NUP35: variants seen among roughly 807,000 people sequenced by gnomAD.
The protein encoded by NUP35 is nucleoporin NUP35.
In NUP35, 25 loss-of-function variants were observed where a neutral mutation model predicts 41.5. That is an observed-to-expected ratio of 0.60 (90% CI 0.44 to 0.84). The LOEUF (loss-of-function observed/expected upper bound fraction) is 0.84. Among genes scored for constraint, NUP35 ranks in the 40% least tolerant of loss-of-function variants. NUP35 has a pLI of 0.00. For synonymous variants in NUP35, 149 were observed against 130.7 expected (o/e 1.14, Z -0.96); for missense variants, 396 against 396.6 (o/e 1.00, Z 0.01).
At chr2:183,138,091 A>G (rs1334250873) in intron 4 of NUP35, among the ~76,000 whole-genome samples, 1 of 151,832 alleles carries the variant, frequency 6.6e-6, no homozygotes, top group Non-Finnish European at 1.5e-5. Flanking sequence ...GAATTTACAC[A>G]TAGAAAGTCT....
chr2:183,151,739 T>A (rs879545097), intron 5 of NUP35, 90 bp downstream of exon 5: 38 of 1,275,824 alleles, frequency 3.0e-5, no homozygotes, highest in Admixed American at 6.6e-5. Flanking sequence ...TGGAAAGAAG[T>A]GCATAGCAAA....
chr2:183,158,475 G>C, intron 7 of NUP35, 64 bp downstream of exon 7: 1 of 1,405,482 alleles, frequency 7.1e-7, no homozygotes, highest in Non-Finnish European at 9.5e-7. Flanking sequence ...ACCAAGGATT[G>C]AAATTGGTCG....
intron 5 of NUP35, 43 bp from the exon 6 acceptor site, chr2:183,157,401 A>C (rs759960273): frequency 1.5e-6 from 2 of 1,361,716 alleles, no homozygotes; most frequent in South Asian, 2.3e-5. Flanking sequence ...ATTCACATTG[A>C]TAGTAGAAGC....
At chr2:183,124,328 C>T (rs949382885), upstream of NUP35, 8 of 1,559,540 alleles carry the variant, frequency 5.1e-6, no homozygotes, top group Admixed American at 3.6e-5. Flanking sequence ...GCGCCTACAA[C>T]TTAAGCATAG....
At position 183,124,489 on chromosome 2, in the gene NUP35, C is replaced by T. The variant is rs867186241; in HGVS notation, c.32C>T (p.Pro11Leu). The change falls in exon 1 of 9, where the codon CCC becomes CTC. Residue 11 changes from proline to leucine, a missense_variant. By Grantham distance (98) the Pro-to-Leu change is moderately conservative (BLOSUM62 -3). Coordinates refer to ENST00000295119, the MANE Select transcript of NUP35 (RefSeq NM_138285.5). The part of the protein sequence containing the change: MAAFAVEPQG[P>L]ALGSEPMMLG... ...GCCTTTGCAGTGGAACCTCAGGGGC[C>T]CGCGTTAGGTGAGTGAAATATTGCT... 3 of 1,613,970 alleles carry T rather than the reference C, an allele frequency of 1.9e-6. No homozygotes were observed. Among genetic ancestry groups the T allele is most frequent in the East Asian group, 4.5e-5 (2 of 44,886 alleles).
chr2:183,125,041 T>A (rs1157514665), intron 1 of NUP35, among the ~76,000 whole-genome samples: 4 of 152,002 alleles, frequency 2.6e-5, no homozygotes, highest in Non-Finnish European at 4.4e-5. Flanking sequence ...CAACATTTAA[T>A]CAACCGTGTG....
Position 183,151,540 on chromosome 2 carries a change from C to T in NUP35, c.430C>T (p.Gln144Ter). The T allele has an allele frequency of 6.2e-7, 1 of 1,613,956 alleles. No individual in the cohort carries two copies. Among genetic ancestry groups the T allele is most frequent in the Non-Finnish European group, 8.5e-7 (1 of 1,179,906 alleles). ...TATGTTTAGTCCAGCAAGTATCGGTCAGCCACGAAAGACGACATTATCTCC... is the reference window on the plus strand; with the variant it reads ...TATGTTTAGTCCAGCAAGTATCGGTTAGCCACGAAAGACGACATTATCTCC... ...QSMFSPASIG[Q>*]PRKTTLSPAQ... The change falls in exon 5 of 9, where the codon CAG (glutamine) becomes TAG (stop). Residue 144 changes from glutamine to a stop codon, truncating the protein, a stop_gained. Coordinates refer to ENST00000295119, the MANE Select transcript of NUP35 (RefSeq NM_138285.5). LOFTEE classifies it high-confidence loss of function.
chr2:183,158,470 G>A, intron 7 of NUP35, 59 bp downstream of exon 7: 1 of 1,429,678 alleles, frequency 7.0e-7, no homozygotes, highest in Non-Finnish European at 9.4e-7. Context: ...ACAAGACCAA[G>A]GATTGAAATT....
chr2:183,140,534 A>T (rs1685053536), intron 4 of NUP35, among the ~76,000 whole-genome samples: 1 of 152,156 alleles, frequency 6.6e-6, no homozygotes, highest in Admixed American at 6.6e-5. Flanking sequence ...ATAAATTCAG[A>T]TGGTTTTAGA....
Position 183,138,269 on chromosome 2 carries a change from A to ATATATATATTTTTTT in NUP35, c.397+4647_397+4648insATATATATTTTTTTT. 3.9e-3 allele frequency among the ~76,000 whole-genome samples: 316 copies of ATATATATATTTTTTT among 80,514 alleles called. 1 individual carries two copies. Among genetic ancestry groups the ATATATATATTTTTTT allele is most frequent in the Non-Finnish European group, 5.3e-3 (242 of 45,410 alleles). 52.8% of individuals were successfully genotyped at this position (80,514 alleles called of 152,430 possible). ...GCTATATATATATATATATATATAT[A>ATATATATATTTTTTT]TTTTTTTTTTTTTTTAGCTCCTGTA... On this transcript the variant is annotated intron_variant, in intron 4 of 8. Transcript: ENST00000295119.
At chr2:183,150,949 A>G (rs891094322) in intron 4 of NUP35, among the ~76,000 whole-genome samples, 1 of 152,250 alleles carries the variant, frequency 6.6e-6, no homozygotes, top group Non-Finnish European at 1.5e-5. Flanking sequence ...GAAGTACTCA[A>G]TTGGTGGCTG....
intron 4 of NUP35, among the ~76,000 whole-genome samples, chr2:183,138,636 C>T (rs764810257): frequency 1.3e-5 from 2 of 152,228 alleles, no homozygotes; most frequent in Non-Finnish European, 2.9e-5. Context: ...TTTCCCCATC[C>T]TCATCCCTGA....
intron 1 of NUP35, 96 bp downstream of exon 1, chr2:183,124,593 G>C: frequency 6.6e-7 from 1 of 1,504,174 alleles, no homozygotes; most frequent in Non-Finnish European, 9.2e-7. Context: ...GCTCTCGTCT[G>C]CTGGTTTCAG....
At chr2:183,143,946 CCTTA>C (rs1326631448) in intron 4 of NUP35, among the ~76,000 whole-genome samples, 1 of 152,138 alleles carries the variant, frequency 6.6e-6, no homozygotes, top group Admixed American at 6.5e-5. Context: ...ATAAGATTAT[CCTTA>C]CTTCAGATAC....
upstream of NUP35, chr2:183,123,689 C>T: frequency 1.8e-6 from 1 of 563,514 alleles, no homozygotes; most frequent in Non-Finnish European, 2.2e-6. Context: ...TATATTTTTA[C>T]ACACACATAT....
In NUP35 at chr2:183,128,385, G is replaced by T. The variant is rs1559142076; in HGVS notation, c.139G>T (p.Val47Leu). The T allele has an allele frequency of 6.2e-7, 1 of 1,613,996 alleles. No individual in the cohort carries two copies. The highest frequency in any genetic ancestry group is 8.5e-7 in the Non-Finnish European group (1 of 1,179,970). The change falls in exon 2 of 9, where the codon GTG (valine) becomes TTG (leucine). Residue 47 changes from valine (V) to leucine (L), a missense_variant. Transcript: ENST00000295119. ...TTTAATGGGGGATTTGCCAGCTCCG[G>T]TGACTCCACAACCTCGATCAATTAG... The part of the protein sequence containing the change: ...GFLMGDLPAP[V>L]TPQPRSISGP...
intron 2 of NUP35, among the ~76,000 whole-genome samples, chr2:183,129,879 C>T (rs1190777460): frequency 1.3e-5 from 2 of 152,172 alleles, no homozygotes; most frequent in Admixed American, 1.3e-4. Flanking sequence ...ATCTTTATGT[C>T]ACAGAACTTG....
chr2:183,121,150 T>C (rs903258009), upstream of NUP35, among the ~76,000 whole-genome samples: 5 of 152,144 alleles, frequency 3.3e-5, no homozygotes, highest in African/African-American at 9.7e-5. Context: ...AGGAAAAGAT[T>C]GTCAAAGCTG....
At chr2:183,133,145 T>G (rs2105554342) in intron 3 of NUP35, among the ~76,000 whole-genome samples, 1 of 152,284 alleles carries the variant, frequency 6.6e-6, no homozygotes, top group Admixed American at 6.5e-5. Flanking sequence ...TAGACTGATT[T>G]GAATCTATAG....
Sources: allele counts gnomAD v4.1 joint callset (sites outside exome capture counted in the v4.1 genomes callset), GRCh38; gene constraint gnomAD v4.1.1; transcripts MANE v1.5; gene names NCBI Gene and HGNC (gene_info 2026-07-23, HGNC 2026-07-21).